Variants in ABCB4 observed in about 807,000 individuals in gnomAD.
ABCB4 encodes the protein ATP binding cassette subfamily B member 4, also known as phosphatidylcholine translocator ABCB4.
ABCB4 carries 76 observed loss-of-function variants against 145.7 expected under a neutral mutation model. The observed-to-expected ratio is 0.52, with a 90% CI of 0.43 to 0.63. The LOEUF is 0.63. ABCB4 is among the 30% of genes least tolerant of loss of function. ABCB4 has a pLI of 0.00. For synonymous variants in ABCB4, 517 were observed against 566.8 expected (o/e 0.91, Z 1.25); for missense variants, 1,234 against 1,553.1 (o/e 0.79, Z 3.45).
chr7:87,392,580 G>C, the ABCB4 span: 1 of 1,613,226 alleles, frequency 6.2e-7, no homozygotes, highest in African/African-American at 1.3e-5. Context: ...GTGAGCGGCA[G>C]CAAAAGATGT....
In ABCB4 at chr7:87,406,450, G is replaced by A; in HGVS notation, c.3324C>T (p.Leu1108=). 6.2e-7 allele frequency: 1 copy of A among 1,613,914 alleles called. No individual in the cohort carries two copies. Among genetic ancestry groups the A allele is most frequent in the Non-Finnish European group, 8.5e-7 (1 of 1,179,990 alleles). ...QEAKKLNVQW[L]RAQLGIVSQE... ...GAGACACGATTCCGAGTTGAGCTCT[G>A]AGCCACTGGACATTGAGTTTCTTTG... The change falls in exon 26 of 28, where the codon CTC becomes CTT. Residue 1108 remains leucine, a synonymous_variant. Transcript: ENST00000649586.
chr7:87,462,309 T>C (rs893845751), intron 4 of ABCB4, among the ~76,000 whole-genome samples: 1 of 152,000 alleles, frequency 6.6e-6, no homozygotes, highest in African/African-American at 2.4e-5. Context: ...AGAAAATGGG[T>C]ATAATTTTTT....
At position 87,412,018 on chromosome 7, in the gene ABCB4, C is replaced by T; in HGVS notation, c.2799G>A (p.Lys933=). Residue 933 remains lysine, a synonymous_variant, in exon 23 of 28, where the codon AAG becomes AAA. Coordinates refer to ENST00000649586, the MANE Select transcript of ABCB4 (RefSeq NM_000443.4). ...LYGPYRNSVQ[K]AHIYGITFSI... ...TAAAAGTAATTCCATAGATGTGTGC[C>T]TTCTGCACAGAATTCCTGAAAAGCA... 6.2e-7 allele frequency: 1 copy of T among 1,613,770 alleles called. No individual in the cohort carries two copies. The highest frequency in any genetic ancestry group is 8.5e-7 in the Non-Finnish European group (1 of 1,179,702).
intron 15 of ABCB4, among the ~76,000 whole-genome samples, chr7:87,430,817 G>A (rs1015187364): frequency 2.0e-5 from 3 of 152,140 alleles, no homozygotes; most frequent in Non-Finnish European, 4.4e-5. Context: ...ATGAGCCACT[G>A]CACCTGGCCT....
chr7:87,415,075 C>T (rs1355914654), intron 21 of ABCB4, among the ~76,000 whole-genome samples: 1 of 152,176 alleles, frequency 6.6e-6, no homozygotes, highest in African/African-American at 2.4e-5. Flanking sequence ...AAGGAGAAAC[C>T]AGTAATGACT....
At chr7:87,384,640 G>A in the ABCB4 span, among the ~76,000 whole-genome samples, 1 of 152,166 alleles carries the variant, frequency 6.6e-6, no homozygotes, top group Non-Finnish European at 1.5e-5. Context: ...CTTGGGAGAT[G>A]GATAGTTTGC....
At chr7:87,399,081 T>C (rs983502783), downstream of ABCB4, 19 of 165,786 alleles carry the variant, frequency 1.1e-4, no homozygotes, top group Admixed American at 3.6e-4. Context: ...CATTATTGTA[T>C]GCTAATTTCC....
the ABCB4 span, among the ~76,000 whole-genome samples, chr7:87,378,639 T>C: frequency 0.92 from 139,583 of 152,236 alleles, 64,208 homozygotes; most frequent in African/African-American, 0.97. Flanking sequence ...AAGGAAATAG[T>C]CAGCTTCTTT....
chr7:87,442,428 A>G (rs537516194), intron 12 of ABCB4, among the ~76,000 whole-genome samples: 1 of 152,256 alleles, frequency 6.6e-6, no homozygotes, highest in Admixed American at 6.5e-5. Context: ...TGTTTTCACA[A>G]TTATTGAATT....
the ABCB4 span, among the ~76,000 whole-genome samples, chr7:87,390,260 A>T: frequency 6.6e-6 from 1 of 152,164 alleles, no homozygotes. Flanking sequence ...TAAGATTAAG[A>T]GTGTGTTTAC....
At chr7:87,421,937 T>A (rs45526237) in intron 18 of ABCB4, among the ~76,000 whole-genome samples, 184 bp downstream of exon 18, 1 of 152,240 alleles carries the variant, frequency 6.6e-6, no homozygotes, top group East Asian at 1.9e-4. Context: ...TGTAATGTAA[T>A]ATAAGTTAGG....
chr7:87,462,179 T>C (rs1290242997), intron 4 of ABCB4, among the ~76,000 whole-genome samples: 2 of 152,244 alleles, frequency 1.3e-5, no homozygotes, highest in African/African-American at 2.4e-5. Flanking sequence ...TATGGGACAC[T>C]TGGCTCTTCA....
chr7:87,440,606 C>T (rs1470946724), intron 12 of ABCB4, among the ~76,000 whole-genome samples: 7 of 152,162 alleles, frequency 4.6e-5, no homozygotes, highest in African/African-American at 7.2e-5. Context: ...ACAGTTTTTT[C>T]GTGGAAGGAT....
At chr7:87,379,018 T>TA in the ABCB4 span, among the ~76,000 whole-genome samples, 1 of 152,182 alleles carries the variant, frequency 6.6e-6, no homozygotes, top group Non-Finnish European at 1.5e-5. Context: ...TAGTTCTTGT[T>TA]AATTGCCTCA....
chr7:87,412,106 G>T lies in ABCB4; in HGVS notation c.2784-73C>A, dbSNP rs577423887. The T allele has an allele frequency of 6.0e-5, 95 of 1,582,146 alleles. No homozygotes were observed. In the East Asian group the frequency reaches 2.0e-3, roughly 33 times the overall value. On this transcript the variant is annotated intron_variant, in intron 22 of 27. Coordinates refer to ENST00000649586, the MANE Select transcript of ABCB4 (RefSeq NM_000443.4). ...AGCGCTGTGTAGTGGAAAGAGCACGGCTTCTAAGTCTGGCCGAGTGGGTTT... is the reference window on the plus strand; with the variant it reads ...AGCGCTGTGTAGTGGAAAGAGCACGTCTTCTAAGTCTGGCCGAGTGGGTTT...
intron 3 of ABCB4, 82 bp from the exon 4 acceptor site, chr7:87,462,990 T>C: frequency 3.0e-6 from 4 of 1,314,062 alleles, no homozygotes; most frequent in Non-Finnish European, 4.2e-6. Flanking sequence ...TGGATTTTTA[T>C]TTAAAGTCAG....
chr7:87,428,858 T>C (rs901398699), intron 15 of ABCB4, among the ~76,000 whole-genome samples: 3 of 152,234 alleles, frequency 2.0e-5, no homozygotes, highest in South Asian at 2.1e-4. Context: ...AGTGGCTGTT[T>C]GTAGGGATTT....
chr7:87,465,986 G>C (rs1488404222), intron 3 of ABCB4, among the ~76,000 whole-genome samples: 2 of 152,196 alleles, frequency 1.3e-5, no homozygotes, highest in African/African-American at 4.8e-5. Flanking sequence ...CTAAAAATCA[G>C]AGCGCCTCTC....
chr7:87,466,889 C>A (rs949185931), intron 3 of ABCB4, among the ~76,000 whole-genome samples: 6 of 152,088 alleles, frequency 3.9e-5, no homozygotes, highest in Non-Finnish European at 7.3e-5. Flanking sequence ...TAAAAGAGGT[C>A]CTGAAGGAAG....
Sources: gnomAD v4.1 joint callset for allele counts (sites outside exome capture counted in the v4.1 genomes callset) on GRCh38, gnomAD v4.1.1 for gene constraint, MANE v1.5 for transcripts, NCBI Gene and HGNC (gene_info 2026-07-23, HGNC 2026-07-21) for gene names.